The following SGK1 variants were observed in gnomAD, a reference collection of about 807,000 sequenced individuals.
SGK1 encodes serum/glucocorticoid regulated kinase 1, also known as serine/threonine-protein kinase Sgk1.
In SGK1, 26 loss-of-function variants were observed where a neutral mutation model predicts 64.2. The ratio of observed to expected loss-of-function variants is 0.40; its 90% CI spans 0.30 to 0.56. SGK1 has a LOEUF of 0.56. SGK1 is among the 20% of genes least tolerant of loss of function. The probability of loss-of-function intolerance (pLI) is 0.38; values close to 1 mark genes in which losing one functional copy is unlikely to be tolerated. For missense variants in SGK1, 519 were observed against 645.6 expected (o/e 0.80, Z 2.12); for synonymous variants, 265 against 239.7 (o/e 1.11, Z -0.98).
At chr6:134,266,664 T>C (rs1018305108) in intron 1 of SGK1, among the ~76,000 whole-genome samples, 6 of 152,168 alleles carry the variant, frequency 3.9e-5, no homozygotes, top group African/African-American at 1.4e-4. Flanking sequence ...AGTTAAAATT[T>C]TGGGTTTCCT....
At chr6:134,244,423 A>G (rs1776493262) in intron 2 of SGK1, among the ~76,000 whole-genome samples, 1 of 152,204 alleles carries the variant, frequency 6.6e-6, no homozygotes, top group African/African-American at 2.4e-5. Context: ...TAGTGCTGCA[A>G]TAAACCTATG....
intron 2 of SGK1, among the ~76,000 whole-genome samples, chr6:134,216,600 C>G (rs1775990024): frequency 6.6e-6 from 1 of 152,314 alleles, no homozygotes; most frequent in East Asian, 1.9e-4. Flanking sequence ...ACCCTAGTTG[C>G]TAACTCATTG....
chr6:134,186,502 A>C (rs925794442), intron 3 of SGK1, among the ~76,000 whole-genome samples: 1 of 152,208 alleles, frequency 6.6e-6, no homozygotes, highest in Admixed American at 6.5e-5. Flanking sequence ...ATTCTTAACA[A>C]AACAGGGAGG....
chr6:134,308,689 T>G lies in SGK1; in HGVS notation c.69+8703A>C, dbSNP rs541874935. 3.3e-5 allele frequency among the ~76,000 whole-genome samples: 5 copies of G among 152,178 alleles called. No individual in the cohort carries two copies. In the South Asian group the frequency reaches 1.0e-3, roughly 32 times the overall value. ...CTCCTGCCTCAGCCTCCTGAGTAGC[T>G]GGGATTACAGGTGCACGCCACCACA... On this transcript the variant is annotated intron_variant, in intron 1 of 13. Transcript: ENST00000367858.
chr6:134,173,614 A>G (rs549586994), intron 5 of SGK1, 48 bp from the exon 6 acceptor site: 3 of 1,274,950 alleles, frequency 2.4e-6, no homozygotes, highest in Admixed American at 4.3e-5. Flanking sequence ...GCTTCAAAGG[A>G]AGACATCTAT....
intron 2 of SGK1, among the ~76,000 whole-genome samples, chr6:134,249,886 G>T (rs991902264): frequency 3.3e-5 from 5 of 152,126 alleles, no homozygotes; most frequent in African/African-American, 1.2e-4. Flanking sequence ...GAACCGTAAT[G>T]GTCATCAATT....
intron 1 of SGK1, among the ~76,000 whole-genome samples, chr6:134,303,198 C>CTTGG (rs1777484668): frequency 6.6e-6 from 1 of 151,874 alleles, no homozygotes; most frequent in Non-Finnish European, 1.5e-5. Context: ...TCGAGTCCAT[C>CTTGG]CTGGCTAACA....
intron 1 of SGK1, among the ~76,000 whole-genome samples, chr6:134,304,145 G>A (rs920778007): frequency 1.3e-5 from 2 of 152,116 alleles, no homozygotes; most frequent in African/African-American, 2.4e-5. Flanking sequence ...AAGCTTTCTC[G>A]GACTTTCTGG....
chr6:134,174,548 T>G lies in SGK1; in HGVS notation c.400A>C (p.Ile134Leu), dbSNP rs759597764. Residue 134 changes from isoleucine (I) to leucine (L), a missense_variant, in exon 4 of 14, where the codon ATT becomes CTT. By Grantham distance (5) the Ile-to-Leu change is conservative. This residue lies in a region of SGK1 where 241 missense variants were observed against 236.9 expected (regional missense o/e 1.02). Transcript: ENST00000367858. ...KQRRMGLNDF[I>L]QKIANNSYAC... ...TAGGAGTTATTGGCAATCTTCTGAA[T>G]AAAGTCGTTCAGACCCATCCTCCTC... is the stretch of plus-strand genomic sequence containing the variant. 6 of 1,613,834 alleles carry G rather than the reference T, an allele frequency of 3.7e-6. No homozygotes were observed. The African/African-American group carries it at 4.0e-5, about 11-fold the overall frequency.
intron 1 of SGK1, chr6:134,297,903 C>G: frequency 3.7e-6 from 3 of 809,954 alleles, no homozygotes; most frequent in Non-Finnish European, 6.6e-6. Context: ...CTCACTCCGG[C>G]TGCGGTTGGT....
At chr6:134,281,105 G>A (rs1002143013) in intron 1 of SGK1, among the ~76,000 whole-genome samples, 1 of 152,030 alleles carries the variant, frequency 6.6e-6, no homozygotes, top group African/African-American at 2.4e-5. Flanking sequence ...CCAATCTTTG[G>A]AAATTTCACA....
chr6:134,296,350 G>C (rs1490239233), intron 1 of SGK1, among the ~76,000 whole-genome samples: 2 of 152,144 alleles, frequency 1.3e-5, no homozygotes, highest in Non-Finnish European at 2.9e-5. Context: ...TTAGCTCACT[G>C]CAGCATCCAA....
rs539664468 is a variant in SGK1, at chr6:134,283,789, T to C, written c.70-21641A>G. ...TGAGCCCAGAAGGTCAAGGCTGCAG[T>C]GAAGTTGAGGCTGCAATGAGCCATG... is the stretch of plus-strand genomic sequence containing the variant. On this transcript the variant is annotated intron_variant, in intron 1 of 13. Coordinates refer to ENST00000367858, the MANE Select transcript of SGK1 (RefSeq NM_001143676.3). Among the ~76,000 whole-genome samples, 3 of 140,300 alleles carry C rather than the reference T, an allele frequency of 2.1e-5. No individual in the cohort carries two copies. The South Asian group carries it at 6.5e-4, about 31-fold the overall frequency. 92.0% of individuals were successfully genotyped at this position (140,300 alleles called of 152,430 possible).
intron 2 of SGK1, among the ~76,000 whole-genome samples, chr6:134,208,877 T>C (rs1183628205): frequency 2.1e-5 from 2 of 96,970 alleles, no homozygotes; most frequent in Non-Finnish European, 4.4e-5. Context: ...TATATGCATA[T>C]ACATACATGT....
chr6:134,298,764 C>T, intron 1 of SGK1: 3 of 450,360 alleles, frequency 6.7e-6, no homozygotes, highest in Non-Finnish European at 1.2e-5. Context: ...GAAGAAGCTG[C>T]TTCTTGATAG....
At chr6:134,203,909 C>T (rs763843551) in intron 3 of SGK1, among the ~76,000 whole-genome samples, 3 of 151,866 alleles carry the variant, frequency 2.0e-5, no homozygotes, top group Non-Finnish European at 4.4e-5. Context: ...ACTAAAAATA[C>T]AAGAATTAGC....
intron 2 of SGK1, among the ~76,000 whole-genome samples, chr6:134,246,353 C>T (rs936352607): frequency 1.3e-5 from 2 of 150,884 alleles, no homozygotes; most frequent in Non-Finnish European, 2.9e-5. Context: ...GAAGGGGTTT[C>T]ACCATGTTGT....
chr6:134,178,939 C>T (rs1775290469), intron 3 of SGK1, among the ~76,000 whole-genome samples: 1 of 152,078 alleles, frequency 6.6e-6, no homozygotes, highest in Non-Finnish European at 1.5e-5. Flanking sequence ...TTTCCCAGTG[C>T]ATGTGCATTT....
At chr6:134,254,502 G>A (rs1776651765) in intron 2 of SGK1, among the ~76,000 whole-genome samples, 1 of 152,202 alleles carries the variant, frequency 6.6e-6, no homozygotes, top group South Asian at 2.1e-4. Context: ...CTACGAGTGA[G>A]GCTCCTGGTG....
Sources: allele counts gnomAD v4.1 joint callset (sites outside exome capture counted in the v4.1 genomes callset), GRCh38; gene constraint gnomAD v4.1.1; regional missense constraint gnomAD v4.1.1; transcripts MANE v1.5; gene names NCBI Gene and HGNC (gene_info 2026-07-23, HGNC 2026-07-21).